SMG6: variants seen among roughly 807,000 people sequenced by gnomAD.
SMG6 encodes the protein telomerase-binding protein EST1A.
Under a neutral mutation model 142.2 loss-of-function variants are expected in SMG6, and 66 were observed. The ratio of observed to expected loss-of-function variants is 0.46; its 90% CI spans 0.38 to 0.57. The LOEUF (loss-of-function observed/expected upper bound fraction) is 0.57. SMG6 is among the 20% of genes least tolerant of loss of function. The pLI is 0.00. For synonymous variants in SMG6, 779 were observed against 702.4 expected, an observed-to-expected ratio of 1.11 and a Z score of -1.72; for missense variants, 1,793 against 1,832.0, an observed-to-expected ratio of 0.98 and a Z score of 0.39.
chr17:2,187,474 G>A (rs779245586), intron 11 of SMG6, among the ~76,000 whole-genome samples: 9 of 152,076 alleles, frequency 5.9e-5, no homozygotes, highest in Admixed American at 2.0e-4. Flanking sequence ...TTTGATAACC[G>A]TTGTTAAGAG....
rs1190189723 is a variant in SMG6 at position 2,068,647 on chromosome 17, T to C, written c.3835+131A>G. The stretch of plus-strand genomic sequence containing the variant: ...AGTTTTCTTTGCCCCACGCGTTCCC[T>C]ACTCCCCTGCAAATCCCATCTTACA... On this transcript the variant is annotated intron_variant, in intron 16 of 18. Transcript: ENST00000263073. The surrounding 1 kb of genome is among the most constrained non-coding windows in gnomAD (Gnocchi z 6.7). The C allele has an allele frequency of 3.4e-6, 3 of 895,246 alleles. No homozygotes were observed. The highest frequency in any genetic ancestry group is 5.0e-6 in the Non-Finnish European group (3 of 596,058). 55.5% of individuals were successfully genotyped at this position (895,246 alleles called of 1,614,324 possible).
At chr17:2,239,008 C>T (rs2073738303) in intron 9 of SMG6, among the ~76,000 whole-genome samples, 1 of 152,136 alleles carries the variant, frequency 6.6e-6, no homozygotes, top group Non-Finnish European at 1.5e-5. Flanking sequence ...AAGAGAGGAA[C>T]CCTCCTCAGG....
Position 2,299,820 on chromosome 17 carries a change from C to A in SMG6, c.933G>T (p.Glu311Asp), listed in dbSNP as rs1308726948. 1 of 1,614,238 alleles carries A rather than the reference C, an allele frequency of 6.2e-7. No homozygotes were observed. The highest frequency in any genetic ancestry group is 1.7e-5 in the Admixed American group (1 of 60,032). The change falls in exon 2 of 19, where the codon GAG (glutamate) becomes GAT (aspartate). Residue 311 changes from glutamate (E) to aspartate (D), a missense_variant. Glu to Asp is a conservative substitution (Grantham distance 45). Transcript: ENST00000263073. This position sits in a 1 kb window ranked among gnomAD's most constrained non-coding sequence, Gnocchi z 4.3. ...TDSLDEDRID[E>D]PDGLGPRRSS... is the part of the protein sequence containing the mutation. ...TTCTCCTGGGTCCTAATCCATCAGG[C>A]TCATCAATTCTGTCCTCGTCTAAGG...
chr17:2,174,038 A>G (rs2071586811), intron 12 of SMG6, among the ~76,000 whole-genome samples: 2 of 152,132 alleles, frequency 1.3e-5, no homozygotes, highest in South Asian at 2.1e-4. Flanking sequence ...GGAGAATTAC[A>G]AAGAAAAGCT....
At position 2,066,372 on chromosome 17, in the gene SMG6, CTG is replaced by C. The variant is rs57221830; in HGVS notation, c.3836-695_3836-694del. Among the ~76,000 whole-genome samples the C allele has an allele frequency of 2.5e-4, 38 of 149,624 alleles. 1 individual carries two copies. In the South Asian group the frequency reaches 5.1e-3, roughly 20 times the overall value. Reference sequence around the variant, plus strand: ...TGTGTGTACATGTGTGTATATGTCTCTGTGTGTGTGTGTGTGTGTGCCTGTCT... The same window carrying C: ...TGTGTGTACATGTGTGTATATGTCTCTGTGTGTGTGTGTGTGTGCCTGTCT... On this transcript the variant is annotated intron_variant, in intron 16 of 18. Coordinates refer to ENST00000263073, the MANE Select transcript of SMG6 (RefSeq NM_017575.5).
In SMG6 at chr17:2,188,494, C is replaced by A. The variant is rs199692074; in HGVS notation, c.2891G>T (p.Arg964Leu). ...QLKDCFSEEC[R>L]SVIQEQAAAL... ...TGCGGCTTGTTCCTGGATCACAGAG[C>A]GGCACTCCTCCGAGAAGCAGTCTGC... is the stretch of plus-strand genomic sequence containing the variant. The change falls in exon 11 of 19, where the codon CGC becomes CTC. Residue 964 changes from arginine to leucine, a missense_variant. Physicochemically the swap from Arg to Leu is moderately radical, Grantham distance 102. Transcript: ENST00000263073. 5 of 1,613,976 alleles carry A rather than the reference C, an allele frequency of 3.1e-6. No individual in the cohort carries two copies. The highest frequency in any genetic ancestry group is 3.4e-6 in the Non-Finnish European group (4 of 1,179,960).
chr17:2,200,866 T>C (rs1201789222), intron 10 of SMG6, among the ~76,000 whole-genome samples: 1 of 152,140 alleles, frequency 6.6e-6, no homozygotes, highest in African/African-American at 2.4e-5. Context: ...TGAACTCAAG[T>C]GATCCTCCGG....
intron 10 of SMG6, among the ~76,000 whole-genome samples, chr17:2,224,688 C>T (rs200911239): frequency 2.2e-5 from 3 of 137,686 alleles, no homozygotes; most frequent in African/African-American, 8.1e-5. Flanking sequence ...TGAAAAAAGA[C>T]ACTAAGAGTT....
intron 13 of SMG6, among the ~76,000 whole-genome samples, chr17:2,172,324 G>C (rs188205684): frequency 6.6e-6 from 1 of 152,084 alleles, no homozygotes; most frequent in Non-Finnish European, 1.5e-5. Flanking sequence ...GGGGAGGAAG[G>C]GGGAGAAAGG....
intron 4 of SMG6, among the ~76,000 whole-genome samples, chr17:2,293,726 A>G (rs1421215494): frequency 6.6e-6 from 1 of 152,246 alleles, no homozygotes; most frequent in Non-Finnish European, 1.5e-5. Context: ...TGCCTGCCTC[A>G]GCATCCCAAA....
Position 2,299,663 on chromosome 17 carries a change from G to A in SMG6, c.1090C>T (p.Pro364Ser), listed in dbSNP as rs1451081182. The A allele has an allele frequency of 6.2e-6, 10 of 1,614,074 alleles. No individual in the cohort carries two copies. The highest frequency in any genetic ancestry group is 3.3e-5 in the Admixed American group (2 of 59,990). The change falls in exon 2 of 19, where the codon CCC becomes TCC. Residue 364 changes from proline to serine, a missense_variant. By Grantham distance (74) the Pro-to-Ser change is moderately conservative. Around this residue, in one of 3 missense-constraint regions of SMG6, gnomAD observed 1,597 missense variants for 1,584.6 expected, o/e 1.01. Transcript: ENST00000263073. This position sits in a 1 kb window ranked among gnomAD's most constrained non-coding sequence, Gnocchi z 4.3. ...TCATCCCTGGCTGACCTCACCATGGGAGACTCTTTGTTCATGGCTTCTGCA... is the reference window on the plus strand; with the variant it reads ...TCATCCCTGGCTGACCTCACCATGGAAGACTCTTTGTTCATGGCTTCTGCA... ...FDAEAMNKES[P>S]MVRSARDDMD...
chr17:2,182,075 T>G (rs1330381444), intron 12 of SMG6, among the ~76,000 whole-genome samples: 1 of 152,198 alleles, frequency 6.6e-6, no homozygotes, highest in Non-Finnish European at 1.5e-5. Flanking sequence ...ACAGATGGTC[T>G]GCCTCCCCAC....
chr17:2,079,443 G>GC (rs1468998754), intron 15 of SMG6, among the ~76,000 whole-genome samples: 1 of 151,206 alleles, frequency 6.6e-6, no homozygotes, highest in African/African-American at 2.4e-5. Context: ...GACCATCCTG[G>GC]CTAACATGGT....
intron 8 of SMG6, among the ~76,000 whole-genome samples, chr17:2,264,207 T>C (rs564488997): frequency 2.0e-5 from 3 of 152,318 alleles, no homozygotes; most frequent in Admixed American, 6.5e-5. Flanking sequence ...GGACGATTTA[T>C]AGTACCCCCT....
intron 13 of SMG6, among the ~76,000 whole-genome samples, chr17:2,165,459 A>T (rs1241627599): frequency 2.6e-5 from 4 of 152,350 alleles, no homozygotes; most frequent in African/African-American, 9.6e-5. Flanking sequence ...TTTATCCAAA[A>T]TGCCTGGGAC....
At chr17:2,258,754 C>T (rs918838456) in intron 8 of SMG6, among the ~76,000 whole-genome samples, 11 of 150,652 alleles carry the variant, frequency 7.3e-5, no homozygotes, top group Admixed American at 5.3e-4. Flanking sequence ...GCTGTGATCA[C>T]GCCACTGCAC....
chr17:2,220,932 A>T (rs1374722815), intron 10 of SMG6, among the ~76,000 whole-genome samples: 7 of 151,832 alleles, frequency 4.6e-5, no homozygotes, highest in East Asian at 1.9e-4. Flanking sequence ...TAAATCCTTT[A>T]AAAAAAATCA....
chr17:2,078,318 G>A (rs73296354), intron 15 of SMG6, among the ~76,000 whole-genome samples: 3,600 of 152,156 alleles, frequency 0.024, 145 homozygotes, highest in African/African-American at 0.083. Flanking sequence ...AGATACTAGG[G>A]GTTAAAAGCC....
At chr17:2,296,855 C>G (rs2075152677) in intron 4 of SMG6, among the ~76,000 whole-genome samples, 2 of 151,906 alleles carry the variant, frequency 1.3e-5, no homozygotes, top group South Asian at 4.2e-4. Context: ...ATTAGCCAGG[C>G]TTGGTGGTGG....
Sources: allele counts gnomAD v4.1 joint callset (sites outside exome capture counted in the v4.1 genomes callset), GRCh38; gene constraint gnomAD v4.1.1; regional missense constraint gnomAD v4.1.1; non-coding constraint Gnocchi (gnomAD v3.1); transcripts MANE v1.5; gene names NCBI Gene and HGNC (gene_info 2026-07-23, HGNC 2026-07-21).